The following METTL22 variants were observed in gnomAD, a reference collection of about 807,000 sequenced individuals.
The protein encoded by METTL22 is methyltransferase-like protein 22.
Under a neutral mutation model 48.4 loss-of-function variants are expected in METTL22, and 51 were observed. The ratio of observed to expected loss-of-function variants is 1.05; its 90% CI spans 0.84 to 1.33. The LOEUF is 1.33. Ranked by LOEUF, METTL22 falls within the 40% of genes most tolerant of loss-of-function variation. The pLI is 0.00. For synonymous variants in METTL22, 255 were observed against 214.1 expected, an observed-to-expected ratio of 1.19 and a Z score of -1.67; for missense variants, 678 against 526.9, an observed-to-expected ratio of 1.29 and a Z score of -2.81.
the METTL22 span, among the ~76,000 whole-genome samples, chr16:8,656,571 G>A: frequency 6.6e-6 from 1 of 152,236 alleles, no homozygotes; most frequent in African/African-American, 2.4e-5. Context: ...GTGAAGATGG[G>A]AGAGGAGGTT....
At chr16:8,634,087 C>G (rs776765092) in intron 3 of METTL22, among the ~76,000 whole-genome samples, 1 of 152,196 alleles carries the variant, frequency 6.6e-6, no homozygotes, top group Non-Finnish European at 1.5e-5. Context: ...TGTAAGCCAC[C>G]ATGTCAAATC....
chr16:8,660,509 C>T, the METTL22 span, among the ~76,000 whole-genome samples: 53 of 152,022 alleles, frequency 3.5e-4, no homozygotes, highest in African/African-American at 1.2e-3. Context: ...CTCATTTTTC[C>T]TACTTCCTAG....
intron 2 of METTL22, among the ~76,000 whole-genome samples, chr16:8,628,256 T>A (rs2056129109): frequency 6.6e-6 from 1 of 152,208 alleles, no homozygotes; most frequent in Non-Finnish European, 1.5e-5. Context: ...CCCCAGCACC[T>A]GGCATGGTAC....
At chr16:8,645,013 C>T (rs557315559) in intron 10 of METTL22, 47 of 246,092 alleles carry the variant, frequency 1.9e-4, no homozygotes, top group African/African-American at 9.4e-4. Flanking sequence ...GAGGCAAGAC[C>T]GAGGCAGAGG....
chr16:8,661,989 A>G, the METTL22 span, among the ~76,000 whole-genome samples: 4 of 145,512 alleles, frequency 2.7e-5, no homozygotes, highest in Non-Finnish European at 6.1e-5. Flanking sequence ...CACGCCTATA[A>G]TCCCAATACT....
chr16:8,665,123 C>T, the METTL22 span, among the ~76,000 whole-genome samples: 24 of 136,418 alleles, frequency 1.8e-4, no homozygotes, highest in African/African-American at 5.7e-4. Context: ...GGTGAAACCC[C>T]GTATCTACTA....
At chr16:8,626,553 A>G (rs905332944) in intron 2 of METTL22, among the ~76,000 whole-genome samples, 23 of 147,772 alleles carry the variant, frequency 1.6e-4, no homozygotes, top group African/African-American at 5.0e-4. Flanking sequence ...GGTTCAAGCA[A>G]CTCTCCTGCC....
At chr16:8,660,287 G>C in the METTL22 span, among the ~76,000 whole-genome samples, 2 of 151,838 alleles carry the variant, frequency 1.3e-5, no homozygotes, top group Non-Finnish European at 2.9e-5. Context: ...AGCAATTCTC[G>C]TGCCTCAGCC....
intron 7 of METTL22, chr16:8,641,871 G>T (rs376341128): frequency 2.6e-5 from 15 of 576,426 alleles, no homozygotes; most frequent in Non-Finnish European, 3.4e-5. Context: ...CAAGGCAGCG[G>T]GTGAGGCTGA....
chr16:8,658,956 C>G, the METTL22 span, among the ~76,000 whole-genome samples: 4 of 152,272 alleles, frequency 2.6e-5, no homozygotes, highest in South Asian at 8.3e-4. Context: ...TCCTCACCCT[C>G]TCAAACCACC....
Position 8,641,164 on chromosome 16 carries a change from T to A in METTL22, c.806T>A (p.Leu269Gln). 6.2e-7 allele frequency: 1 copy of A among 1,614,052 alleles called. No individual in the cohort carries two copies. The highest frequency in any genetic ancestry group is 8.5e-7 in the Non-Finnish European group (1 of 1,179,970). Residue 269 changes from leucine to glutamine, a missense_variant, in exon 7 of 11, where the codon CTG (leucine) becomes CAG (glutamine). Coordinates refer to ENST00000381920, the MANE Select transcript of METTL22 (RefSeq NM_024109.4). Reference protein sequence around the residue: ...GIVRVKELDWLKDDLCTDPKV... With the variant: ...GIVRVKELDWQKDDLCTDPKV... The stretch of plus-strand genomic sequence containing the variant: ...GTTAGGGTCAAAGAACTGGACTGGC[T>A]GAAGGACGACCTCTGCACAGGTGTG...
In METTL22 at chr16:8,646,661, G is replaced by T. The variant is rs1050355541; in HGVS notation, c.*518G>T. On this transcript the variant is annotated 3_prime_UTR_variant, in exon 11 of 11. Transcript: ENST00000381920. ...TGAGAAGGAAGAGGCAGGAGCTGGC[G>T]CCAGGAATGGACTGGCATTGGCCTT... 3 of 457,986 alleles carry T rather than the reference G, an allele frequency of 6.6e-6. No homozygotes were observed. The highest frequency in any genetic ancestry group is 1.3e-5 in the Non-Finnish European group (3 of 227,980). The allele number at this position is 457,986 out of a possible 1,614,324, so 28.4% of individuals were successfully genotyped here. A position where few individuals can be genotyped will look rare whatever the true frequency, so the allele number is the denominator to read the frequency against.
chr16:8,626,374 C>T (rs1273103713), intron 2 of METTL22, among the ~76,000 whole-genome samples: 4 of 152,048 alleles, frequency 2.6e-5, no homozygotes, highest in Non-Finnish European at 4.4e-5. Context: ...TACGAATGAG[C>T]CAAACTTTGC....
Position 8,642,505 on chromosome 16 carries a change from T to A in METTL22, c.950T>A (p.Leu317His). 6.2e-7 allele frequency: 1 copy of A among 1,614,176 alleles called. No homozygotes were observed. The highest frequency in any genetic ancestry group is 1.1e-5 in the South Asian group (1 of 91,076). ...TTGACTGATGCTGTGTTTAAAACGCTCTCCCGACTCGCCCACAGATTGAAA... is the reference window on the plus strand; with the variant it reads ...TTGACTGATGCTGTGTTTAAAACGCACTCCCGACTCGCCCACAGATTGAAA... ...DDLTDAVFKTLSRLAHRLKNA... is the reference protein window; with the variant it reads ...DDLTDAVFKTHSRLAHRLKNA... The change falls in exon 9 of 11, where the codon CTC becomes CAC. Residue 317 changes from leucine (L) to histidine (H), a missense_variant. Transcript: ENST00000381920.
chr16:8,641,167 A>C lies in METTL22; in HGVS notation c.809A>C (p.Lys270Thr), dbSNP rs2056604254. The change falls in exon 7 of 11, where the codon AAG (lysine) becomes ACG (threonine). Residue 270 changes from lysine (K) to threonine (T), a missense_variant. Coordinates refer to ENST00000381920, the MANE Select transcript of METTL22 (RefSeq NM_024109.4). ...IVRVKELDWLKDDLCTDPKVP... is the reference protein window; with the variant it reads ...IVRVKELDWLTDDLCTDPKVP... ...AGGGTCAAAGAACTGGACTGGCTGAAGGACGACCTCTGCACAGGTGTGTGT... is the reference window on the plus strand; with the variant it reads ...AGGGTCAAAGAACTGGACTGGCTGACGGACGACCTCTGCACAGGTGTGTGT... 3 of 1,614,016 alleles carry C rather than the reference A, an allele frequency of 1.9e-6. No homozygotes were observed. The highest frequency in any genetic ancestry group is 2.5e-6 in the Non-Finnish European group (3 of 1,179,968).
chr16:8,630,003 C>T (rs1282864916), intron 3 of METTL22, among the ~76,000 whole-genome samples: 1 of 121,608 alleles, frequency 8.2e-6, no homozygotes, highest in Non-Finnish European at 1.7e-5. Context: ...CACACCAGGG[C>T]TTTGCCTCCC....
chr16:8,642,762 C>A, intron 9 of METTL22, 197 bp downstream of exon 9: 2 of 622,510 alleles, frequency 3.2e-6, no homozygotes, highest in Admixed American at 5.2e-5. Flanking sequence ...TGTGCAGGCG[C>A]TGCTGTCCCA....
downstream of METTL22, among the ~76,000 whole-genome samples, chr16:8,650,142 A>C (rs1208187874): frequency 6.6e-6 from 1 of 152,208 alleles, no homozygotes; most frequent in Non-Finnish European, 1.5e-5. Context: ...CCTGGGCAAC[A>C]TACAGAGACC....
the METTL22 span, among the ~76,000 whole-genome samples, chr16:8,661,190 G>A: frequency 6.6e-6 from 1 of 150,962 alleles, no homozygotes; most frequent in African/African-American, 2.4e-5. Flanking sequence ...GGAATCCAAG[G>A]TAATCATCAG....
Sources: allele counts gnomAD v4.1 joint callset (sites outside exome capture counted in the v4.1 genomes callset), GRCh38; gene constraint gnomAD v4.1.1; transcripts MANE v1.5; gene names NCBI Gene and HGNC (gene_info 2026-07-23, HGNC 2026-07-21).